AOX1: variants seen among roughly 807,000 people sequenced by gnomAD.
The protein encoded by AOX1 is aldehyde oxidase 1, also known as aldehyde oxidase.
A neutral mutation model predicts 169.5 loss-of-function variants in AOX1; 153 were observed. That is an observed-to-expected ratio of 0.90 (90% confidence interval 0.79 to 1.03). The LOEUF is 1.03. AOX1 is among the 50% of genes least tolerant of loss of function. The probability of loss-of-function intolerance (pLI) is 0.00; values close to 1 mark genes in which losing one functional copy is unlikely to be tolerated. For missense variants in AOX1, 1,656 were observed against 1,663.9 expected (o/e 1.00, Z 0.08); for synonymous variants, 562 against 581.9 (o/e 0.97, Z 0.49).
rs556391841 is a variant in AOX1 at position 200,624,135 on chromosome 2, A to G, written c.2124+152A>G. The G allele has an allele frequency of 5.0e-5, 46 of 915,352 alleles. No individual in the cohort carries two copies. In the African/African-American group the frequency reaches 7.5e-4, roughly 15 times the overall value. 56.7% of individuals were successfully genotyped at this position (915,352 alleles called of 1,614,324 possible). ...CCTCTAACCAGTCTCAGTATTAACA[A>G]TTTCCCCAAGGACATGGCTTCTTTT... is the stretch of plus-strand genomic sequence containing the variant. On this transcript the variant is annotated intron_variant, in intron 19 of 34. Transcript: ENST00000374700.
chr2:200,587,596 C>T (rs1184327901), intron 1 of AOX1, among the ~76,000 whole-genome samples: 3 of 152,128 alleles, frequency 2.0e-5, no homozygotes, highest in Non-Finnish European at 4.4e-5. Context: ...TTTGTCTGCC[C>T]CTGCTGCCTG....
chr2:200,607,435 C>G (rs1040892220), intron 10 of AOX1, among the ~76,000 whole-genome samples: 7 of 152,092 alleles, frequency 4.6e-5, no homozygotes, highest in African/African-American at 1.4e-4. Flanking sequence ...TCATGCCAGT[C>G]AGAATGGTGA....
rs138174107 is a variant in AOX1, at chr2:200,651,022, C to G, written c.2896C>G (p.Gln966Glu). Reference sequence around the variant, plus strand: ...GGAAATTGATCAAACACCCTACAAACAAGAGATCAATGCCAAGAACCTAAT... The same window carrying G: ...GGAAATTGATCAAACACCCTACAAAGAAGAGATCAATGCCAAGAACCTAAT... ...YKEIDQTPYKQEINAKNLIQC... is the reference protein window; with the variant it reads ...YKEIDQTPYKEEINAKNLIQC... Residue 966 changes from glutamine (Q) to glutamate (E), a missense_variant, in exon 26 of 35, where the codon CAA becomes GAA. Gln to Glu is a conservative substitution (Grantham distance 29, BLOSUM62 2). Transcript: ENST00000374700. 2 of 1,614,204 alleles carry G rather than the reference C, an allele frequency of 1.2e-6. No homozygotes were observed. The highest frequency in any genetic ancestry group is 2.2e-5 in the South Asian group (2 of 91,080).
chr2:200,623,663 G>A (rs2034935558), intron 18 of AOX1, among the ~76,000 whole-genome samples, 198 bp from the exon 19 acceptor site: 2 of 152,258 alleles, frequency 1.3e-5, no homozygotes, highest in African/African-American at 2.4e-5. Flanking sequence ...TACAGCACAA[G>A]GATCTAAACT....
In AOX1 at chr2:200,611,370, A is replaced by G. The variant is rs748120843; in HGVS notation, c.1154-14A>G. On this transcript the variant is annotated splice_polypyrimidine_tract_variant and intron_variant, in intron 12 of 34. Coordinates refer to ENST00000374700, the MANE Select transcript of AOX1 (RefSeq NM_001159.4). ...CCAAACAGATCCCAGGGAAAGTGTC[A>G]TTTCTTTCCACAGAAGGAAAACGAC... 1.9e-6 allele frequency: 3 copies of G among 1,575,240 alleles called. No individual in the cohort carries two copies. Among genetic ancestry groups the G allele is most frequent in the East Asian group, 2.2e-5 (1 of 44,682 alleles).
intron 16 of AOX1, among the ~76,000 whole-genome samples, chr2:200,618,602 G>T (rs2034817826): frequency 6.6e-6 from 1 of 152,130 alleles, no homozygotes. Flanking sequence ...GTTCTCTCCT[G>T]ATATTCCAGC....
At chr2:200,666,638 C>A in intron 31 of AOX1, 49 bp from the exon 32 acceptor site, 3 of 1,414,698 alleles carry the variant, frequency 2.1e-6, no homozygotes, top group South Asian at 2.7e-5. Context: ...CTTCTTCTCC[C>A]TAAGTTATTC....
At position 200,621,213 on chromosome 2, in the gene AOX1, T is replaced by C. The variant is rs751707771; in HGVS notation, c.1968T>C (p.Phe656=). ...GTGACGTCAACTCCTTCTGCTTTTT[T>C]ACTGAAGCTGAGAAATTTCTGGCGA... The part of the protein sequence containing the change: ...HLSDVNSFCF[F]TEAEKFLATD... The change falls in exon 18 of 35, where the codon TTT becomes TTC. Residue 656 remains phenylalanine (F), a synonymous_variant. Transcript: ENST00000374700. 6 of 1,613,988 alleles carry C rather than the reference T, an allele frequency of 3.7e-6. No individual in the cohort carries two copies. Among genetic ancestry groups the C allele is most frequent in the South Asian group, 1.1e-5 (1 of 91,058 alleles).
chr2:200,657,188 A>ATTTT lies in AOX1; in HGVS notation c.3171+252_3171+253insTTTT, dbSNP rs1309414882. 1.1e-3 allele frequency among the ~76,000 whole-genome samples: 76 copies of ATTTT among 68,574 alleles called. No homozygotes were observed. In the East Asian group the frequency reaches 0.012, roughly 10 times the overall value. 45.0% of individuals were successfully genotyped at this position (68,574 alleles called of 152,430 possible). On this transcript the variant is annotated intron_variant, in intron 27 of 34. Coordinates refer to ENST00000374700, the MANE Select transcript of AOX1 (RefSeq NM_001159.4). ...AAAATATATATATATATATATATAT[A>ATTTT]TATTTTTTTTTTTTTTTAATTAGCA...
chr2:200,603,838 T>C (rs1038677618), intron 7 of AOX1, among the ~76,000 whole-genome samples, 179 bp from the exon 8 acceptor site: 6 of 152,114 alleles, frequency 3.9e-5, no homozygotes, highest in Admixed American at 1.3e-4. Context: ...CAGCACTGAG[T>C]TGCTGATGAC....
intron 24 of AOX1, among the ~76,000 whole-genome samples, chr2:200,642,367 T>TA (rs1261071990): frequency 6.6e-6 from 1 of 152,110 alleles, no homozygotes; most frequent in Non-Finnish European, 1.5e-5. Flanking sequence ...TTTGAAATCT[T>TA]AAAAAATGCA....
At chr2:200,592,704 C>G (rs1406935119) in intron 1 of AOX1, among the ~76,000 whole-genome samples, 2 of 146,938 alleles carry the variant, frequency 1.4e-5, no homozygotes, top group Non-Finnish European at 3.1e-5. Context: ...ACAAGATAAA[C>G]AAACAAGTCT....
chr2:200,620,931 T>C, intron 17 of AOX1, 112 bp downstream of exon 17: 1 of 1,339,830 alleles, frequency 7.5e-7, no homozygotes, highest in South Asian at 1.4e-5. Context: ...TGATATCCAA[T>C]GCAGACCAGA....
At chr2:200,629,768 A>C (rs1042505743) in intron 20 of AOX1, among the ~76,000 whole-genome samples, 2 of 152,162 alleles carry the variant, frequency 1.3e-5, no homozygotes, top group African/African-American at 2.4e-5. Context: ...TTGTTTCCTG[A>C]CATAATGAGT....
At chr2:200,657,190 A>ATATATATATATATTT in intron 27 of AOX1, among the ~76,000 whole-genome samples, 36 of 62,868 alleles carry the variant, frequency 5.7e-4, no homozygotes, top group Admixed American at 9.6e-4. Flanking sequence ...ATATATATAT[A>ATATATATATATATTT]TTTTTTTTTT....
chr2:200,620,199 C>CTT (rs34887452), intron 16 of AOX1, among the ~76,000 whole-genome samples: 2 of 130,808 alleles, frequency 1.5e-5, no homozygotes, highest in African/African-American at 5.7e-5. Flanking sequence ...TTAATAGTGA[C>CTT]TTTTTTTTTT....
chr2:200,598,004 G>C (rs1000280605), intron 4 of AOX1, among the ~76,000 whole-genome samples: 2 of 152,010 alleles, frequency 1.3e-5, no homozygotes, highest in African/African-American at 2.4e-5. Flanking sequence ...CTACTCGGGG[G>C]TGCTGAGGTG....
In AOX1 at chr2:200,661,618, G is replaced by A; in HGVS notation, c.3415G>A (p.Val1139Ile). ...AFDESINLSA[V>I]GYFRGYESDM... Reference sequence around the variant, plus strand: ...TGATGAAAGCATTAACCTTTCAGCTGTTGGATACTTCAGGTAAATACTCCC... The same window carrying A: ...TGATGAAAGCATTAACCTTTCAGCTATTGGATACTTCAGGTAAATACTCCC... The change falls in exon 30 of 35, where the codon GTT becomes ATT. Residue 1139 changes from valine (V) to isoleucine (I), a missense_variant. Val to Ile is a conservative substitution (Grantham distance 29). Transcript: ENST00000374700. The A allele has an allele frequency of 1.2e-6, 2 of 1,612,500 alleles. No homozygotes were observed. The highest frequency in any genetic ancestry group is 1.7e-6 in the Non-Finnish European group (2 of 1,178,676).
chr2:200,614,014 T>C (rs202033812), intron 15 of AOX1, 48 bp downstream of exon 15: 10 of 1,566,910 alleles, frequency 6.4e-6, no homozygotes, highest in African/African-American at 4.1e-5. Flanking sequence ...GGAGCTATGA[T>C]GACACCAAAA....
Sources: allele counts gnomAD v4.1 joint callset (sites outside exome capture counted in the v4.1 genomes callset), GRCh38; gene constraint gnomAD v4.1.1; transcripts MANE v1.5; gene names NCBI Gene and HGNC (gene_info 2026-07-23, HGNC 2026-07-21).